ZNF385B: variants seen among roughly 807,000 people sequenced by gnomAD.
ZNF385B encodes zinc finger protein 385B, also known as zinc finger protein 533.
A neutral mutation model predicts 39.2 loss-of-function variants in ZNF385B; 23 were observed. The observed-to-expected ratio is 0.59, with a 90% CI of 0.42 to 0.83. The LOEUF (loss-of-function observed/expected upper bound fraction) is 0.83. Among genes scored for constraint, ZNF385B ranks in the 40% least tolerant of loss-of-function variants. The pLI is 0.00. For synonymous variants in ZNF385B, 205 were observed against 222.6 expected (o/e 0.92, Z 0.70); for missense variants, 552 against 598.9 (o/e 0.92, Z 0.82).
intron 3 of ZNF385B, among the ~76,000 whole-genome samples, chr2:179,739,201 T>C (rs572852033): frequency 2.8e-4 from 43 of 152,358 alleles, no homozygotes; most frequent in Non-Finnish European, 4.3e-4. Flanking sequence ...AGCTTGAAAG[T>C]CAACTATCAT....
intron 1 of ZNF385B, among the ~76,000 whole-genome samples, chr2:179,826,977 T>G (rs1049299845): frequency 6.6e-6 from 1 of 152,112 alleles, no homozygotes; most frequent in Middle Eastern, 3.2e-3. Context: ...AACTGGAAAC[T>G]CACCCTACAC....
At chr2:179,630,749 C>T (rs950019753) in intron 3 of ZNF385B, among the ~76,000 whole-genome samples, 2 of 152,088 alleles carry the variant, frequency 1.3e-5, no homozygotes, top group African/African-American at 4.8e-5. Flanking sequence ...TCGAACCCAT[C>T]GCAAGGAAGC....
chr2:179,526,956 A>G (rs1427368334), intron 4 of ZNF385B, among the ~76,000 whole-genome samples: 2 of 152,270 alleles, frequency 1.3e-5, no homozygotes, highest in East Asian at 1.9e-4. Context: ...CTACCCAGGC[A>G]GAAAGTTAAC....
chr2:179,599,589 T>C (rs1188321587), intron 3 of ZNF385B, among the ~76,000 whole-genome samples: 3 of 152,198 alleles, frequency 2.0e-5, no homozygotes, highest in African/African-American at 7.2e-5. Flanking sequence ...CATTAAGTTA[T>C]TTAAATGTCA....
chr2:179,567,603 A>G (rs1050456650), intron 3 of ZNF385B, among the ~76,000 whole-genome samples: 1 of 152,214 alleles, frequency 6.6e-6, no homozygotes, highest in Non-Finnish European at 1.5e-5. Flanking sequence ...ATGTATCCTA[A>G]GCACCAGGAA....
At chr2:179,599,991 T>C (rs1688289402) in intron 3 of ZNF385B, among the ~76,000 whole-genome samples, 1 of 152,176 alleles carries the variant, frequency 6.6e-6, no homozygotes, top group African/African-American at 2.4e-5. Flanking sequence ...GTTAACCATT[T>C]TGAATATGCC....
At chr2:179,469,607 T>A (rs2052508895) in intron 6 of ZNF385B, among the ~76,000 whole-genome samples, 1 of 152,086 alleles carries the variant, frequency 6.6e-6, no homozygotes, top group Non-Finnish European at 1.5e-5. Context: ...GTGGGGTACA[T>A]TTTACCCAGG....
chr2:179,478,992 C>T (rs932403706), intron 6 of ZNF385B, among the ~76,000 whole-genome samples: 2 of 152,050 alleles, frequency 1.3e-5, no homozygotes, highest in African/African-American at 2.4e-5. Flanking sequence ...CTGAAGCTGC[C>T]TAATGCTTGC....
At chr2:179,603,103 T>G (rs1688535390) in intron 3 of ZNF385B, among the ~76,000 whole-genome samples, 1 of 152,166 alleles carries the variant, frequency 6.6e-6, no homozygotes, top group Admixed American at 6.5e-5. Flanking sequence ...TAGGTAACAG[T>G]ATTGCCAGGA....
chr2:179,727,081 C>G (rs1448396900), intron 3 of ZNF385B, among the ~76,000 whole-genome samples: 1 of 151,934 alleles, frequency 6.6e-6, no homozygotes, highest in African/African-American at 2.4e-5. Context: ...AGCACTCAGA[C>G]TATAGCGATG....
intron 3 of ZNF385B, among the ~76,000 whole-genome samples, chr2:179,725,915 T>C (rs1335934333): frequency 7.5e-6 from 1 of 134,180 alleles, no homozygotes; most frequent in African/African-American, 3.2e-5. Context: ...TGTGTGTATA[T>C]ATATATATAT....
chr2:179,450,415 C>G (rs1408508017), intron 6 of ZNF385B, among the ~76,000 whole-genome samples: 2 of 152,142 alleles, frequency 1.3e-5, no homozygotes, highest in East Asian at 3.8e-4. Flanking sequence ...AAAAAACAAA[C>G]AACCCCATCA....
intron 5 of ZNF385B, among the ~76,000 whole-genome samples, chr2:179,507,773 T>A (rs1023931064): frequency 6.6e-6 from 1 of 152,188 alleles, no homozygotes; most frequent in Non-Finnish European, 1.5e-5. Context: ...CCAGCTACAG[T>A]ATTTTGCCAA....
At chr2:179,511,597 C>T (rs945875976) in intron 5 of ZNF385B, among the ~76,000 whole-genome samples, 3 of 152,132 alleles carry the variant, frequency 2.0e-5, no homozygotes, top group East Asian at 1.9e-4. Flanking sequence ...GGTCATTGAA[C>T]GACTGCAGTT....
intron 3 of ZNF385B, among the ~76,000 whole-genome samples, chr2:179,683,788 A>G (rs1697718155): frequency 6.6e-6 from 1 of 152,128 alleles, no homozygotes; most frequent in East Asian, 1.9e-4. Flanking sequence ...GAAATGTTTT[A>G]TAACAACAAA....
chr2:179,583,300 T>G (rs184786770), intron 3 of ZNF385B, among the ~76,000 whole-genome samples: 91 of 152,292 alleles, frequency 6.0e-4, no homozygotes, highest in African/African-American at 2.1e-3. Context: ...TCCAGACTTC[T>G]TTTATGTGGG....
At chr2:179,584,523 T>G (rs1686880731) in intron 3 of ZNF385B, among the ~76,000 whole-genome samples, 1 of 152,164 alleles carries the variant, frequency 6.6e-6, no homozygotes, top group Non-Finnish European at 1.5e-5. Flanking sequence ...ATTTCATATG[T>G]GTATCAGGAA....
intron 3 of ZNF385B, among the ~76,000 whole-genome samples, chr2:179,696,982 T>C (rs1473344674): frequency 6.6e-6 from 1 of 152,190 alleles, no homozygotes; most frequent in African/African-American, 2.4e-5. Context: ...GGACCAGTGA[T>C]AATCAAAGAC....
intron 6 of ZNF385B, among the ~76,000 whole-genome samples, chr2:179,458,060 A>G (rs1228599715): frequency 1.3e-5 from 2 of 152,172 alleles, no homozygotes; most frequent in Non-Finnish European, 2.9e-5. Flanking sequence ...AATGTTTGTC[A>G]TGTTGACTAA....
Sources: gnomAD v4.1 joint callset for allele counts (sites outside exome capture counted in the v4.1 genomes callset) on GRCh38, gnomAD v4.1.1 for gene constraint, MANE v1.5 for transcripts, NCBI Gene and HGNC (gene_info 2026-07-23, HGNC 2026-07-21) for gene names.